WWOX: variants seen among roughly 807,000 people sequenced by gnomAD.
WWOX encodes the protein WW domain-containing oxidoreductase.
WWOX carries 69 observed loss-of-function variants against 46.2 expected under a neutral mutation model. The observed-to-expected ratio is 1.49, with a 90% CI of 1.23 to 1.82. The LOEUF (loss-of-function observed/expected upper bound fraction) is 1.82, where lower values mean the gene tolerates loss of function less well. Ranked by LOEUF, WWOX falls within the 40% of genes most tolerant of loss-of-function variation. WWOX has a pLI of 0.00. For synonymous variants in WWOX, 359 were observed against 202.6 expected, an observed-to-expected ratio of 1.77 and a Z score of -6.56; for missense variants, 919 against 542.6, an observed-to-expected ratio of 1.69 and a Z score of -6.89.
intron 6 of WWOX, among the ~76,000 whole-genome samples, chr16:78,396,235 A>G (rs933655292): frequency 1.3e-5 from 2 of 152,210 alleles, no homozygotes; most frequent in African/African-American, 4.8e-5. Flanking sequence ...GCCAACCTTC[A>G]AAAACCTGCC....
At chr16:78,487,546 T>C (rs945629164) in intron 8 of WWOX, among the ~76,000 whole-genome samples, 2 of 152,192 alleles carry the variant, frequency 1.3e-5, no homozygotes, top group African/African-American at 4.8e-5. Flanking sequence ...TTACTGCAGA[T>C]GCTTCCTCTG....
At chr16:78,327,322 G>T (rs1046947700) in intron 5 of WWOX, among the ~76,000 whole-genome samples, 3 of 152,138 alleles carry the variant, frequency 2.0e-5, no homozygotes, top group Non-Finnish European at 4.4e-5. Context: ...TGGGATGGGG[G>T]TGTGAAGCGT....
At chr16:78,472,407 A>C (rs993545568) in intron 8 of WWOX, among the ~76,000 whole-genome samples, 5 of 152,230 alleles carry the variant, frequency 3.3e-5, no homozygotes, top group Non-Finnish European at 5.9e-5. Flanking sequence ...AAAGGAAGAC[A>C]TTTAGAAAAT....
chr16:78,585,084 C>G (rs1179993710), intron 8 of WWOX, among the ~76,000 whole-genome samples: 1 of 152,170 alleles, frequency 6.6e-6, no homozygotes, highest in Admixed American at 6.5e-5. Flanking sequence ...ATCTTTTACT[C>G]AAAACCTGAA....
At chr16:78,850,624 A>G (rs2052419001) in intron 8 of WWOX, among the ~76,000 whole-genome samples, 3 of 152,022 alleles carry the variant, frequency 2.0e-5, no homozygotes, top group Admixed American at 1.3e-4. Context: ...ATTTACCATC[A>G]CCATCCTTGT....
intron 5 of WWOX, among the ~76,000 whole-genome samples, chr16:78,182,317 G>T: frequency 6.6e-6 from 1 of 152,096 alleles, no homozygotes; most frequent in Middle Eastern, 3.2e-3. Context: ...GAAAAGAAAT[G>T]CTTGGGGCTC....
intron 8 of WWOX, among the ~76,000 whole-genome samples, chr16:78,666,649 G>T (rs1353193046): frequency 6.6e-6 from 1 of 152,164 alleles, no homozygotes; most frequent in Non-Finnish European, 1.5e-5. Context: ...CTGCTGATTG[G>T]CAAGGTCATC....
At chr16:78,179,179 T>C (rs1436979778) in intron 5 of WWOX, among the ~76,000 whole-genome samples, 1 of 152,244 alleles carries the variant, frequency 6.6e-6, no homozygotes, top group African/African-American at 2.4e-5. Context: ...CTTTCAGTCA[T>C]GTATGATCCA....
chr16:78,605,086 A>G (rs576882866), intron 8 of WWOX, among the ~76,000 whole-genome samples: 1 of 144,520 alleles, frequency 6.9e-6, no homozygotes, highest in African/African-American at 2.6e-5. Flanking sequence ...TAAAGCCCTC[A>G]GTTGGCAAAC....
intron 8 of WWOX, among the ~76,000 whole-genome samples, chr16:78,768,139 C>T (rs900874205): frequency 7.5e-6 from 1 of 132,646 alleles, no homozygotes; most frequent in African/African-American, 2.7e-5. Context: ...GATTTTGTCC[C>T]TTTTTTAGGC....
intron 8 of WWOX, among the ~76,000 whole-genome samples, chr16:79,200,101 A>G (rs906535957): frequency 1.3e-5 from 2 of 152,186 alleles, no homozygotes; most frequent in Non-Finnish European, 2.9e-5. Context: ...CACGAAGAGC[A>G]ATTTGCAGAA....
At chr16:78,819,566 G>A (rs545928784) in intron 8 of WWOX, among the ~76,000 whole-genome samples, 67 of 152,358 alleles carry the variant, frequency 4.4e-4, no homozygotes, top group African/African-American at 1.6e-3. Context: ...AATTGCCACT[G>A]TGGGTACTCT....
intron 8 of WWOX, among the ~76,000 whole-genome samples, chr16:78,634,456 C>G (rs1384338038): frequency 6.6e-6 from 1 of 152,046 alleles, no homozygotes; most frequent in Admixed American, 6.6e-5. Context: ...GCCTGTAATC[C>G]CAGCACTTTG....
At chr16:78,666,796 A>G (rs1046496889) in intron 8 of WWOX, among the ~76,000 whole-genome samples, 27 of 152,264 alleles carry the variant, frequency 1.8e-4, no homozygotes, top group African/African-American at 5.8e-4. Flanking sequence ...AAAGGAGGAG[A>G]TCTAGAAAGA....
chr16:78,316,587 C>A lies in WWOX; in HGVS notation c.517-70273C>A, dbSNP rs374806726. On this transcript the variant is annotated intron_variant, in intron 5 of 8. Coordinates refer to ENST00000566780, the MANE Select transcript of WWOX (RefSeq NM_016373.4). The stretch of plus-strand genomic sequence containing the variant: ...AAAACTCCTGGCCTCAGGTGTTCTG[C>A]CCGTCTCGGCCTCCCAAAGTGCTGG... Among the ~76,000 whole-genome samples the A allele has an allele frequency of 5.3e-5, 8 of 152,228 alleles. No homozygotes were observed. In the South Asian group the frequency reaches 1.7e-3, roughly 32 times the overall value.
chr16:79,185,816 C>G (rs1198029450), intron 8 of WWOX, among the ~76,000 whole-genome samples: 2 of 151,974 alleles, frequency 1.3e-5, no homozygotes, highest in African/African-American at 2.4e-5. Flanking sequence ...CGGACACTGC[C>G]TAGTGTGAGA....
chr16:78,294,044 G>A (rs934726656), intron 5 of WWOX, among the ~76,000 whole-genome samples: 19 of 146,716 alleles, frequency 1.3e-4, no homozygotes, highest in African/African-American at 3.8e-4. Context: ...AGGCCTCTTC[G>A]GATCCCTTCG....
intron 8 of WWOX, among the ~76,000 whole-genome samples, chr16:78,906,662 A>G (rs961478251): frequency 6.6e-6 from 1 of 152,216 alleles, no homozygotes; most frequent in African/African-American, 2.4e-5. Context: ...CTGTTGGATG[A>G]AAGTTTGCAT....
intron 4 of WWOX, among the ~76,000 whole-genome samples, chr16:78,163,677 T>G (rs1024488591): frequency 2.0e-5 from 3 of 152,224 alleles, no homozygotes; most frequent in African/African-American, 7.2e-5. Context: ...TTTCTAATTG[T>G]TCTCAGTAGG....
Sources: allele counts gnomAD v4.1 joint callset (sites outside exome capture counted in the v4.1 genomes callset), GRCh38; gene constraint gnomAD v4.1.1; transcripts MANE v1.5; gene names NCBI Gene and HGNC (gene_info 2026-07-23, HGNC 2026-07-21).